AMBRA1: variants seen among roughly 807,000 people sequenced by gnomAD.
AMBRA1 encodes autophagy and beclin 1 regulator 1.
A neutral mutation model predicts 125.4 loss-of-function variants in AMBRA1; 47 were observed. The observed-to-expected ratio is 0.37, with a 90% CI of 0.30 to 0.48. The LOEUF is 0.48. Among genes scored for constraint, AMBRA1 ranks in the 20% least tolerant of loss-of-function variants. The probability of loss-of-function intolerance (pLI) is 0.99; values close to 1 mark genes in which losing one functional copy is unlikely to be tolerated. For missense variants in AMBRA1, 1,331 were observed against 1,693.4 expected (o/e 0.79, Z 3.76); for synonymous variants, 626 against 655.5 (o/e 0.95, Z 0.69).
intron 1 of AMBRA1, among the ~76,000 whole-genome samples, chr11:46,578,485 TAA>T (rs1330536762): frequency 1.4e-5 from 2 of 138,046 alleles, no homozygotes; most frequent in Non-Finnish European, 1.6e-5. Flanking sequence ...AGACTCCATC[TAA>T]AAAAAAAAAA....
chr11:46,543,931 G>T lies in AMBRA1; in HGVS notation c.618+44C>A, dbSNP rs770883194. ...AGAATTGGAATACTAGTTAAGAAAA[G>T]AACTCACAGTTTAGCTGGAATTGGA... On this transcript the variant is annotated intron_variant, in intron 6 of 17. Coordinates refer to ENST00000683756, the MANE Select transcript of AMBRA1 (RefSeq NM_001387011.1). The T allele has an allele frequency of 3.9e-5, 58 of 1,479,634 alleles. No individual in the cohort carries two copies. In the Admixed American group the frequency reaches 8.0e-4, roughly 20 times the overall value. The allele number at this position is 1,479,634 out of a possible 1,614,324, so 91.7% of individuals were successfully genotyped here. A position where few individuals can be genotyped will look rare whatever the true frequency, so the allele number is the denominator to read the frequency against.
intron 14 of AMBRA1, chr11:46,428,806 C>T (rs562816473): frequency 1.7e-5 from 28 of 1,611,296 alleles, no homozygotes; most frequent in African/African-American, 6.7e-5. Context: ...TTGTGAGTCT[C>T]GCAGGTCGCT....
chr11:46,445,595 A>AG (rs1948245814), intron 11 of AMBRA1, among the ~76,000 whole-genome samples: 2 of 152,212 alleles, frequency 1.3e-5, no homozygotes, highest in South Asian at 4.1e-4. Flanking sequence ...TGATAATGAA[A>AG]ATCATTCTTT....
chr11:46,418,351 A>C (rs375025155), intron 14 of AMBRA1, among the ~76,000 whole-genome samples: 1 of 66,220 alleles, frequency 1.5e-5, no homozygotes, highest in Non-Finnish European at 3.2e-5. Flanking sequence ...TATTTATATA[A>C]ATATATATTT....
Position 46,527,477 on chromosome 11 carries a change from C to CAAAAAAAAAAAAAAAAAAAAA in AMBRA1, c.2072+14447_2072+14467dup, listed in dbSNP as rs59904013. Among the ~76,000 whole-genome samples the CAAAAAAAAAAAAAAAAAAAAA allele has an allele frequency of 1.3e-3, 33 of 25,938 alleles. 6 individuals are homozygous for CAAAAAAAAAAAAAAAAAAAAA. Among genetic ancestry groups the CAAAAAAAAAAAAAAAAAAAAA allele is most frequent in the Admixed American group, 1.4e-3 (2 of 1,446 alleles). The allele number at this position is 25,938 out of a possible 152,430, so 17.0% of individuals were successfully genotyped here. On this transcript the variant is annotated intron_variant, in intron 7 of 17. Transcript: ENST00000683756. ...CCTAGGTGACAAAGTGAGACTGTCT[C>CAAAAAAAAAAAAAAAAAAAAA]AAAAAAAAAAAAAAAAAAAAAAAAA...
intron 11 of AMBRA1, among the ~76,000 whole-genome samples, chr11:46,469,732 A>G (rs1178954822): frequency 1.3e-5 from 2 of 151,876 alleles, no homozygotes; most frequent in African/African-American, 4.8e-5. Context: ...TGGTACGATC[A>G]TTGCTCACTG....
intron 11 of AMBRA1, among the ~76,000 whole-genome samples, chr11:46,491,754 T>G (rs1368421229): frequency 6.6e-6 from 1 of 152,164 alleles, no homozygotes; most frequent in African/African-American, 2.4e-5. Context: ...TTCACATCTG[T>G]AAACAGCTGC....
chr11:46,433,402 C>T, intron 14 of AMBRA1, 72 bp downstream of exon 14: 2 of 1,546,902 alleles, frequency 1.3e-6, no homozygotes, highest in Non-Finnish European at 1.8e-6. Flanking sequence ...GAGGTCACAC[C>T]ACTGTCCCCT....
At chr11:46,408,282 C>CAGG (rs774786623) in intron 17 of AMBRA1, among the ~76,000 whole-genome samples, 2 of 152,172 alleles carry the variant, frequency 1.3e-5, no homozygotes, top group Non-Finnish European at 2.9e-5. Flanking sequence ...GAAAAAGAGA[C>CAGG]AGGGTCCTCA....
chr11:46,432,580 C>T (rs1418829994), intron 14 of AMBRA1, among the ~76,000 whole-genome samples: 2 of 152,150 alleles, frequency 1.3e-5, no homozygotes, highest in South Asian at 2.1e-4. Context: ...CAGCCATCTA[C>T]ATGCACAGCA....
Position 46,511,258 on chromosome 11 carries a change from A to G in AMBRA1, c.2159+1469T>C, listed in dbSNP as rs368407716. Among the ~76,000 whole-genome samples the G allele has an allele frequency of 2.6e-5, 4 of 152,314 alleles. No individual in the cohort carries two copies. The South Asian group carries it at 6.2e-4, about 24-fold the overall frequency. ...TTCCTTTCCCTTATATTTAGGGTGT[A>G]TAATCCTCAAACATCATTAGAGACT... On this transcript the variant is annotated intron_variant, in intron 8 of 17. Coordinates refer to ENST00000683756, the MANE Select transcript of AMBRA1 (RefSeq NM_001387011.1).
chr11:46,467,152 A>G (rs1394155753), intron 11 of AMBRA1, among the ~76,000 whole-genome samples: 5 of 151,988 alleles, frequency 3.3e-5, no homozygotes, highest in Non-Finnish European at 5.9e-5. Context: ...CCTGATCTCA[A>G]GGGATCTGCC....
chr11:46,425,082 C>T (rs1947057007), intron 14 of AMBRA1, among the ~76,000 whole-genome samples: 1 of 152,054 alleles, frequency 6.6e-6, no homozygotes, highest in Admixed American at 6.5e-5. Context: ...TGCAGTTAGC[C>T]GAGATCACGC....
At chr11:46,418,203 A>ATATC (rs773813114) in intron 14 of AMBRA1, 151 bp from the exon 15 acceptor site, 4 of 212,246 alleles carry the variant, frequency 1.9e-5, no homozygotes, top group African/African-American at 9.6e-5. Context: ...TTTTTTTTCT[A>ATATC]TATCTATCTA....
intron 14 of AMBRA1, among the ~76,000 whole-genome samples, chr11:46,425,436 T>C (rs1046790269): frequency 2.6e-5 from 4 of 152,042 alleles, no homozygotes; most frequent in Admixed American, 1.3e-4. Flanking sequence ...TTTCCAATTC[T>C]TGAAAAAAAG....
intron 11 of AMBRA1, among the ~76,000 whole-genome samples, chr11:46,444,797 T>C (rs925452161): frequency 1.3e-5 from 2 of 152,182 alleles, no homozygotes; most frequent in African/African-American, 4.8e-5. Flanking sequence ...GATCAAGAGA[T>C]GGTTCAAAGA....
At chr11:46,420,245 T>C (rs941473213) in intron 14 of AMBRA1, among the ~76,000 whole-genome samples, 1 of 152,200 alleles carries the variant, frequency 6.6e-6, no homozygotes, top group African/African-American at 2.4e-5. Context: ...TAAGGCTCCT[T>C]AAATCTTTGC....
intron 11 of AMBRA1, among the ~76,000 whole-genome samples, chr11:46,478,403 ATTTGG>A (rs1171210131): frequency 6.6e-6 from 1 of 152,142 alleles, no homozygotes; most frequent in East Asian, 1.9e-4. Flanking sequence ...ACAGAAATAC[ATTTGG>A]CCCCAAGGGG....
intron 9 of AMBRA1, among the ~76,000 whole-genome samples, chr11:46,504,273 A>G (rs1246936034): frequency 6.6e-6 from 1 of 152,244 alleles, no homozygotes; most frequent in Non-Finnish European, 1.5e-5. Flanking sequence ...TAATTGTCAT[A>G]AAGCATACAC....
Sources: gnomAD v4.1 joint callset for allele counts (sites outside exome capture counted in the v4.1 genomes callset) on GRCh38, gnomAD v4.1.1 for gene constraint, MANE v1.5 for transcripts, NCBI Gene and HGNC (gene_info 2026-07-23, HGNC 2026-07-21) for gene names.